The following RARB variants were observed in gnomAD, a reference collection of about 807,000 sequenced individuals.
The protein encoded by RARB is HBV-activated protein.
A neutral mutation model predicts 51.9 loss-of-function variants in RARB; 17 were observed. The observed-to-expected ratio is 0.33, with a 90% confidence interval of 0.22 to 0.49. The LOEUF (loss-of-function observed/expected upper bound fraction) is 0.49, where lower values mean the gene tolerates loss of function less well. Among genes scored for constraint, RARB ranks in the 20% least tolerant of loss-of-function variants. RARB has a pLI of 0.99. For synonymous variants in RARB, 215 were observed against 195.4 expected, an observed-to-expected ratio of 1.10 and a Z score of -0.84; for missense variants, 369 against 550.8, an observed-to-expected ratio of 0.67 and a Z score of 3.30.
At chr3:25,086,931 C>A (rs999669361) in intron 3 of RARB, among the ~76,000 whole-genome samples, 1 of 152,090 alleles carries the variant, frequency 6.6e-6, no homozygotes, top group East Asian at 1.9e-4. Context: ...GTGCCAGACT[C>A]CTTACTTAAT....
At chr3:25,120,523 A>AT (rs2125329033) in intron 3 of RARB, among the ~76,000 whole-genome samples, 1 of 90,626 alleles carries the variant, frequency 1.1e-5, no homozygotes, top group East Asian at 3.6e-4. Context: ...ATATATATAT[A>AT]AAAATCTCTC....
intron 2 of RARB, among the ~76,000 whole-genome samples, chr3:25,491,078 A>G (rs1416978355): frequency 6.6e-6 from 1 of 152,148 alleles, no homozygotes; most frequent in African/African-American, 2.4e-5. Flanking sequence ...ACTCAACCTC[A>G]TACTCTTCAC....
intron 5 of RARB, among the ~76,000 whole-genome samples, chr3:25,402,427 A>G (rs966447475): frequency 6.6e-6 from 1 of 152,242 alleles, no homozygotes; most frequent in South Asian, 2.1e-4. Flanking sequence ...TTGAGCTACC[A>G]TGTGATCTAG....
At chr3:25,327,924 C>A (rs1704773721) in intron 5 of RARB, among the ~76,000 whole-genome samples, 1 of 152,094 alleles carries the variant, frequency 6.6e-6, no homozygotes, top group African/African-American at 2.4e-5. Context: ...TATCGACTTG[C>A]AGAAAAATAA....
At chr3:25,224,967 G>C (rs898962971) in intron 5 of RARB, among the ~76,000 whole-genome samples, 2 of 152,030 alleles carry the variant, frequency 1.3e-5, no homozygotes, top group Non-Finnish European at 2.9e-5. Context: ...CAGAAGATAA[G>C]ACAGCTTTAG....
At chr3:25,114,520 G>A (rs145288732) in intron 3 of RARB, among the ~76,000 whole-genome samples, 35 of 152,122 alleles carry the variant, frequency 2.3e-4, no homozygotes, top group African/African-American at 7.2e-4. Flanking sequence ...ATATTTTACC[G>A]ATTGTAAGAA....
At chr3:25,512,223 G>T (rs557957813) in intron 3 of RARB, among the ~76,000 whole-genome samples, 1 of 152,288 alleles carries the variant, frequency 6.6e-6, no homozygotes, top group East Asian at 1.9e-4. Flanking sequence ...TCTAAAGATT[G>T]GTGTATTCAT....
At chr3:25,226,583 G>C (rs940855246) in intron 5 of RARB, among the ~76,000 whole-genome samples, 3 of 152,128 alleles carry the variant, frequency 2.0e-5, no homozygotes, top group African/African-American at 7.2e-5. Context: ...TATATGACAA[G>C]TGAACAAGTA....
At chr3:25,514,772 A>G (rs1435588785) in intron 3 of RARB, among the ~76,000 whole-genome samples, 1 of 152,226 alleles carries the variant, frequency 6.6e-6, no homozygotes, top group African/African-American at 2.4e-5. Context: ...CCAAAGGGAA[A>G]GATAAAAGTT....
chr3:25,545,732 C>A (rs1699592117), intron 3 of RARB, among the ~76,000 whole-genome samples: 1 of 152,190 alleles, frequency 6.6e-6, no homozygotes. Context: ...CCCTGCCCAG[C>A]ACACAGCCTC....
intron 2 of RARB, among the ~76,000 whole-genome samples, chr3:25,039,011 G>T (rs922643581): frequency 6.6e-6 from 1 of 152,148 alleles, no homozygotes; most frequent in East Asian, 1.9e-4. Flanking sequence ...TTGCTTAAAC[G>T]GTTTAGAACT....
intron 3 of RARB, among the ~76,000 whole-genome samples, chr3:25,085,335 T>C (rs999486219): frequency 6.6e-6 from 1 of 152,120 alleles, no homozygotes; most frequent in Non-Finnish European, 1.5e-5. Context: ...GTTTTAGGGG[T>C]TCTTTTTAAA....
intron 5 of RARB, among the ~76,000 whole-genome samples, chr3:25,204,263 T>G (rs1701471631): frequency 6.6e-6 from 1 of 152,208 alleles, no homozygotes; most frequent in African/African-American, 2.4e-5. Context: ...CGTGCCACGG[T>G]TTTCAGCTCC....
At chr3:24,962,566 A>C (rs771260121) in intron 2 of RARB, among the ~76,000 whole-genome samples, 1 of 152,198 alleles carries the variant, frequency 6.6e-6, no homozygotes, top group Non-Finnish European at 1.5e-5. Context: ...GGAGTTAAGC[A>C]GCAAGCAAAC....
intron 5 of RARB, among the ~76,000 whole-genome samples, chr3:25,268,720 T>C (rs955107424): frequency 1.3e-5 from 2 of 152,202 alleles, no homozygotes; most frequent in South Asian, 2.1e-4. Context: ...CATTTCATTT[T>C]GGTTTCTCTC....
In RARB at chr3:25,123,566, C is replaced by G. The variant is rs140140399; in HGVS notation, c.-327-8595C>G. 1.8e-4 allele frequency among the ~76,000 whole-genome samples: 27 copies of G among 152,282 alleles called. No homozygotes were observed. The East Asian group carries it at 4.6e-3, about 26-fold the overall frequency. On this transcript the variant is annotated intron_variant, in intron 3 of 11. Coordinates refer to the RARB transcript ENST00000383772. Reference sequence around the variant, plus strand: ...GGGAGAAAAGCAACAGTTGTATCACCTTTTCTAATCATATAACCTAACACC... The same window carrying G: ...GGGAGAAAAGCAACAGTTGTATCACGTTTTCTAATCATATAACCTAACACC...
intron 1 of RARB, among the ~76,000 whole-genome samples, chr3:24,843,899 G>GTA (rs1559369364): frequency 9.0e-6 from 1 of 111,102 alleles, no homozygotes; most frequent in Non-Finnish European, 1.9e-5. Context: ...TGATTTGAGG[G>GTA]TACACACACA....
chr3:25,467,396 T>C (rs576968364), intron 2 of RARB, among the ~76,000 whole-genome samples: 23 of 152,378 alleles, frequency 1.5e-4, no homozygotes, highest in African/African-American at 5.3e-4. Flanking sequence ...TCTGGGGCCT[T>C]GGCAGGATGA....
chr3:25,045,174 T>C (rs73144994), intron 2 of RARB, among the ~76,000 whole-genome samples: 1,626 of 152,308 alleles, frequency 0.011, 43 homozygotes, highest in African/African-American at 0.037. Context: ...CAGTGCCTTC[T>C]TGCAAAAGCA....
Sources: gnomAD v4.1 joint callset for allele counts (sites outside exome capture counted in the v4.1 genomes callset) on GRCh38, gnomAD v4.1.1 for gene constraint, MANE v1.5 for transcripts, NCBI Gene and HGNC (gene_info 2026-07-23, HGNC 2026-07-21) for gene names.